The following TPO variants were observed in gnomAD, a reference collection of about 807,000 sequenced individuals.
The protein encoded by TPO is thyroid peroxidase.
TPO carries 78 observed loss-of-function variants against 96.9 expected under a neutral mutation model. The ratio of observed to expected loss-of-function variants is 0.81; its 90% CI spans 0.67 to 0.97. TPO has a LOEUF of 0.97. TPO is among the 50% of genes least tolerant of loss of function. The pLI, the probability that TPO is intolerant of heterozygous loss-of-function variation, is 0.00. For synonymous variants in TPO, 547 were observed against 538.0 expected (o/e 1.02, Z -0.23); for missense variants, 1,252 against 1,274.8 (o/e 0.98, Z 0.27).
At chr2:1,524,150 CA>C (rs531105452) in intron 15 of TPO, among the ~76,000 whole-genome samples, 65 of 143,436 alleles carry the variant, frequency 4.5e-4, no homozygotes, top group African/African-American at 1.7e-3. Context: ...TGCAACCTCC[CA>C]AAATCCCCCA....
At chr2:1,477,853 C>T (rs773740719) in intron 8 of TPO, 7 of 985,406 alleles carry the variant, frequency 7.1e-6, no homozygotes, top group Non-Finnish European at 8.4e-6. Context: ...GAGCTGGCGG[C>T]CCTCCGGGGC....
chr2:1,526,994 A>C (rs1676692951), intron 15 of TPO, among the ~76,000 whole-genome samples: 1 of 133,128 alleles, frequency 7.5e-6, no homozygotes, highest in East Asian at 2.7e-4. Flanking sequence ...CACTGTGTGC[A>C]ACCTCCTCAA....
At chr2:1,508,887 C>G (rs1673767773) in intron 14 of TPO, among the ~76,000 whole-genome samples, 1 of 152,198 alleles carries the variant, frequency 6.6e-6, no homozygotes, top group African/African-American at 2.4e-5. Flanking sequence ...CTATTTCCTT[C>G]AGTTCTGCTC....
rs372127011 is a variant in TPO at position 1,489,991 on chromosome 2, C to T, written c.1768+2000C>T. ...CGTGGGTCCCACACAGGGGGAGTCA[C>T]GACACAGCAGTGTAAGAGCCGCCAC... On this transcript the variant is annotated intron_variant, in intron 10 of 16. Coordinates refer to ENST00000329066, the MANE Select transcript of TPO (RefSeq NM_001206744.2). Among the ~76,000 whole-genome samples, 15 of 116,754 alleles carry T rather than the reference C, an allele frequency of 1.3e-4. No individual in the cohort carries two copies. In the East Asian group the frequency reaches 1.5e-3, roughly 12 times the overall value. The allele number at this position is 116,754 out of a possible 152,430, so 76.6% of individuals were successfully genotyped here. A position where few individuals can be genotyped will look rare whatever the true frequency, so the allele number is the denominator to read the frequency against.
chr2:1,375,053 T>G (rs1343179084), intron 1 of TPO, among the ~76,000 whole-genome samples: 1 of 152,126 alleles, frequency 6.6e-6, no homozygotes, highest in Admixed American at 6.5e-5. Flanking sequence ...TCAACAGATA[T>G]TTAAGAATAG....
chr2:1,416,709 A>G (rs1662998720), intron 2 of TPO, among the ~76,000 whole-genome samples: 1 of 152,252 alleles, frequency 6.6e-6, no homozygotes, highest in South Asian at 2.1e-4. Context: ...TACTGAAAAA[A>G]TATTATGTGT....
chr2:1,532,991 ACTGTGTG>A (rs1678673271), intron 15 of TPO, among the ~76,000 whole-genome samples: 1 of 17,148 alleles, frequency 5.8e-5, no homozygotes, highest in Non-Finnish European at 1.1e-4. Flanking sequence ...AATCCCTCCC[ACTGTGTG>A]CAACCTCCTC....
chr2:1,380,701 G>C (rs548739397), intron 1 of TPO, among the ~76,000 whole-genome samples: 36 of 152,158 alleles, frequency 2.4e-4, no homozygotes, highest in Non-Finnish European at 4.6e-4. Flanking sequence ...CATAAGGATA[G>C]GTCTCATCTG....
chr2:1,542,711 A>C lies in TPO; in HGVS notation c.*237A>C, dbSNP rs1558451598. On this transcript the variant is annotated 3_prime_UTR_variant, in exon 17 of 17. Transcript: ENST00000329066. Reference sequence around the variant, plus strand: ...GTTCCTTCTGGGGCTTTGCCATTAAAATGTATTTACAGATTACACATCTTT... The same window carrying C: ...GTTCCTTCTGGGGCTTTGCCATTAACATGTATTTACAGATTACACATCTTT... The C allele has an allele frequency of 4.8e-6, 6 of 1,252,838 alleles. No individual in the cohort carries two copies. The highest frequency in any genetic ancestry group is 6.6e-6 in the Non-Finnish European group (6 of 906,570). 77.6% of individuals were successfully genotyped at this position (1,252,838 alleles called of 1,614,324 possible).
intron 15 of TPO, among the ~76,000 whole-genome samples, chr2:1,521,236 G>T (rs1458757973): frequency 6.6e-6 from 1 of 152,194 alleles, no homozygotes; most frequent in Non-Finnish European, 1.5e-5. Flanking sequence ...AGCCAGGTTT[G>T]TCCTCCGTCC....
chr2:1,424,609 G>C (rs1013809217), intron 3 of TPO, among the ~76,000 whole-genome samples: 1 of 152,192 alleles, frequency 6.6e-6, no homozygotes, highest in South Asian at 2.1e-4. Flanking sequence ...ACCAGGAGAG[G>C]CATCAACTGG....
At chr2:1,476,878 C>T (rs1337951226) in intron 7 of TPO, among the ~76,000 whole-genome samples, 1 of 150,408 alleles carries the variant, frequency 6.6e-6, no homozygotes, top group Non-Finnish European at 1.5e-5. Flanking sequence ...CTGGCTGGAC[C>T]AACCCCTGCA....
intron 15 of TPO, among the ~76,000 whole-genome samples, chr2:1,532,395 A>C (rs1347944953): frequency 9.2e-3 from 188 of 20,406 alleles, no homozygotes; most frequent in East Asian, 0.011. Context: ...CAAATCCCCC[A>C]CCACTGTGAG....
intron 2 of TPO, among the ~76,000 whole-genome samples, chr2:1,418,005 C>T (rs1375826177): frequency 3.3e-5 from 5 of 151,804 alleles, no homozygotes; most frequent in African/African-American, 1.2e-4. Context: ...AGTATCAGGC[C>T]AGTGCCATGA....
In TPO at chr2:1,496,596, C is replaced by G; in HGVS notation, c.2217C>G (p.Asp739Glu). 1.9e-6 allele frequency: 3 copies of G among 1,613,874 alleles called. No individual in the cohort carries two copies. The highest frequency in any genetic ancestry group is 2.5e-6 in the Non-Finnish European group (3 of 1,180,002). ...LEAWRETFPQ[D>E]DKCGFPESVE... ...TGTCAACCTGTCCACATTTCATAGACGACAAGTGTGGCTTCCCAGAGAGCG... is the reference window on the plus strand; with the variant it reads ...TGTCAACCTGTCCACATTTCATAGAGGACAAGTGTGGCTTCCCAGAGAGCG... The change falls in exon 13 of 17, where the codon GAC becomes GAG. Residue 739 changes from aspartate (D) to glutamate (E), a missense_variant and splice_region_variant. By Grantham distance (45) the Asp-to-Glu change is conservative. Coordinates refer to ENST00000329066, the MANE Select transcript of TPO (RefSeq NM_001206744.2).
chr2:1,395,923 G>C (rs942538003), intron 1 of TPO, among the ~76,000 whole-genome samples: 17 of 152,206 alleles, frequency 1.1e-4, no homozygotes, highest in African/African-American at 4.1e-4. Context: ...CAGCCATGTG[G>C]AACTGTGAGT....
intron 1 of TPO, among the ~76,000 whole-genome samples, chr2:1,378,033 G>GT (rs1558240600): frequency 6.6e-6 from 1 of 152,166 alleles, no homozygotes; most frequent in South Asian, 2.1e-4. Context: ...AGATCTGATG[G>GT]TTTTATCAGG....
intron 15 of TPO, among the ~76,000 whole-genome samples, chr2:1,530,665 G>C (rs189917884): frequency 2.0e-5 from 1 of 49,568 alleles, no homozygotes. Flanking sequence ...CCCCCACACT[G>C]TGTGCAACCT....
intron 5 of TPO, among the ~76,000 whole-genome samples, chr2:1,452,179 A>C (rs2148575181): frequency 6.6e-6 from 1 of 151,436 alleles, no homozygotes; most frequent in East Asian, 1.9e-4. Flanking sequence ...TTCAAGATTT[A>C]GTTATTTTTT....
Sources: allele counts gnomAD v4.1 joint callset (sites outside exome capture counted in the v4.1 genomes callset), GRCh38; gene constraint gnomAD v4.1.1; transcripts MANE v1.5; gene names NCBI Gene and HGNC (gene_info 2026-07-23, HGNC 2026-07-21).